AUTS2: variants seen among roughly 807,000 people sequenced by gnomAD.
The protein encoded by AUTS2 is autism susceptibility gene 2 protein.
A neutral mutation model predicts 112.4 loss-of-function variants in AUTS2; 17 were observed. That is an observed-to-expected ratio of 0.15 (90% CI 0.10 to 0.23). The LOEUF is 0.23. Ranked by LOEUF, AUTS2 falls within the 10% of genes least tolerant of loss-of-function variation. The pLI, the probability that AUTS2 is intolerant of heterozygous loss-of-function variation, is 1.00. For missense variants in AUTS2, 1,510 were observed against 1,701.6 expected, an observed-to-expected ratio of 0.89 and a Z score of 1.98; for synonymous variants, 751 against 702.7, an observed-to-expected ratio of 1.07 and a Z score of -1.09.
At chr7:70,429,265 C>G (rs970519472) in intron 4 of AUTS2, among the ~76,000 whole-genome samples, 2 of 152,152 alleles carry the variant, frequency 1.3e-5, no homozygotes, top group Non-Finnish European at 2.9e-5. Context: ...GTCCCAAGGC[C>G]TAGAGATACA....
intron 6 of AUTS2, among the ~76,000 whole-genome samples, chr7:70,762,252 G>A (rs1197574397): frequency 6.6e-6 from 1 of 152,182 alleles, no homozygotes; most frequent in Non-Finnish European, 1.5e-5. Context: ...TGCCATAAAA[G>A]ACTTTCTGGA....
At chr7:69,814,231 C>G (rs529393539) in intron 1 of AUTS2, among the ~76,000 whole-genome samples, 1 of 152,330 alleles carries the variant, frequency 6.6e-6, no homozygotes, top group Admixed American at 6.5e-5. Flanking sequence ...ATAGTATACA[C>G]ATTTTGTGAA....
chr7:70,353,675 G>A (rs892645360), intron 4 of AUTS2, among the ~76,000 whole-genome samples: 2 of 152,160 alleles, frequency 1.3e-5, no homozygotes, highest in Non-Finnish European at 2.9e-5. Flanking sequence ...TTATCCCATC[G>A]GATTTTTCCT....
chr7:70,637,750 G>T (rs1436667105), intron 5 of AUTS2, among the ~76,000 whole-genome samples: 2 of 152,166 alleles, frequency 1.3e-5, no homozygotes, highest in African/African-American at 4.8e-5. Context: ...TGGTGGGCAA[G>T]GGGATAATAG....
chr7:70,497,658 T>C (rs2189960), intron 5 of AUTS2, among the ~76,000 whole-genome samples: 41,069 of 152,140 alleles, frequency 0.27, 5,817 homozygotes, highest in Middle Eastern at 0.42. Flanking sequence ...TTCCCCTTAT[T>C]TTAAAGCTGC....
chr7:69,762,968 C>A (rs138020827), intron 1 of AUTS2, among the ~76,000 whole-genome samples: 105 of 152,230 alleles, frequency 6.9e-4, no homozygotes, highest in African/African-American at 2.4e-3. Context: ...AGAGCCCATT[C>A]CACCATACAC....
chr7:70,021,100 A>G (rs1419142854), intron 2 of AUTS2, among the ~76,000 whole-genome samples: 1 of 152,060 alleles, frequency 6.6e-6, no homozygotes, highest in African/African-American at 2.4e-5. Context: ...CTCCTGCCTC[A>G]GCCTCCCGAG....
chr7:70,082,837 A>G (rs1171804782), intron 2 of AUTS2, among the ~76,000 whole-genome samples: 3 of 152,336 alleles, frequency 2.0e-5, no homozygotes, highest in East Asian at 1.9e-4. Flanking sequence ...AGCATTTTGT[A>G]TATAAGGTCA....
At chr7:70,186,529 A>G (rs996960536) in intron 4 of AUTS2, among the ~76,000 whole-genome samples, 1 of 152,174 alleles carries the variant, frequency 6.6e-6, no homozygotes, top group African/African-American at 2.4e-5. Flanking sequence ...GATTATGGTA[A>G]TAGTGATACT....
At chr7:69,840,343 A>G (rs1467843052) in intron 1 of AUTS2, among the ~76,000 whole-genome samples, 3 of 152,188 alleles carry the variant, frequency 2.0e-5, no homozygotes, top group Non-Finnish European at 2.9e-5. Flanking sequence ...GAGCTTATTA[A>G]TAGCTGTTTC....
At chr7:70,080,135 C>G (rs554628441) in intron 2 of AUTS2, among the ~76,000 whole-genome samples, 1 of 152,158 alleles carries the variant, frequency 6.6e-6, no homozygotes, top group Admixed American at 6.5e-5. Flanking sequence ...CAAATTTGGT[C>G]ATTTGTTTTG....
chr7:70,761,135 C>T (rs1585642388), intron 6 of AUTS2, among the ~76,000 whole-genome samples: 2 of 152,142 alleles, frequency 1.3e-5, no homozygotes, highest in Admixed American at 6.5e-5. Flanking sequence ...TGTGTATATA[C>T]AACAGTACGT....
intron 2 of AUTS2, among the ~76,000 whole-genome samples, chr7:70,001,964 G>T (rs181543539): frequency 1.5e-3 from 228 of 152,240 alleles, no homozygotes; most frequent in African/African-American, 5.2e-3. Flanking sequence ...GCCTACCTTG[G>T]CCTCCCAAAG....
chr7:70,090,056 TAATAA>T (rs1303473488), intron 2 of AUTS2, among the ~76,000 whole-genome samples: 6 of 147,354 alleles, frequency 4.1e-5, no homozygotes, highest in South Asian at 4.3e-4. Flanking sequence ...TTAAAAATAA[TAATAA>T]AATAAAATAG....
At chr7:70,053,544 G>GTTTGTTTTTTTTTTTTTTTTTTTTTTTT (rs1801849869) in intron 2 of AUTS2, among the ~76,000 whole-genome samples, 1 of 127,846 alleles carries the variant, frequency 7.8e-6, no homozygotes, top group African/African-American at 3.1e-5. Context: ...GTTTTGGGTG[G>GTTTGTTTTTTTTTTTTTTTTTTTTTTTT]TTTTTTTTTT....
chr7:70,321,372 A>C (rs1018640699), intron 4 of AUTS2, among the ~76,000 whole-genome samples: 33 of 152,286 alleles, frequency 2.2e-4, no homozygotes, highest in African/African-American at 6.7e-4. Flanking sequence ...TTTTTCCCTG[A>C]ACATTTCTTT....
chr7:70,744,430 C>G (rs986455494), intron 6 of AUTS2, among the ~76,000 whole-genome samples: 9 of 152,152 alleles, frequency 5.9e-5, no homozygotes, highest in African/African-American at 1.9e-4. Context: ...GCCGCCCTCT[C>G]CTGTCTTTAA....
intron 4 of AUTS2, among the ~76,000 whole-genome samples, chr7:70,306,100 A>G (rs757809002): frequency 1.3e-5 from 2 of 152,228 alleles, no homozygotes; most frequent in Non-Finnish European, 2.9e-5. Flanking sequence ...GGGGCATGCA[A>G]ACAGACTGGG....
intron 1 of AUTS2, among the ~76,000 whole-genome samples, chr7:69,657,968 C>G (rs1001229092): frequency 3.9e-5 from 6 of 152,222 alleles, no homozygotes; most frequent in African/African-American, 9.6e-5. Context: ...CAGGCCAAAC[C>G]AGGCCACTAC....
Sources: allele counts gnomAD v4.1 joint callset (sites outside exome capture counted in the v4.1 genomes callset), GRCh38; gene constraint gnomAD v4.1.1; transcripts MANE v1.5; gene names NCBI Gene and HGNC (gene_info 2026-07-23, HGNC 2026-07-21).